The following TMEM163 variants were observed in gnomAD, a reference collection of about 807,000 sequenced individuals.
TMEM163 encodes the protein transmembrane protein 163.
Under a neutral mutation model 29.3 loss-of-function variants are expected in TMEM163, and 17 were observed. The ratio of observed to expected loss-of-function variants is 0.58; its 90% CI spans 0.40 to 0.87. The LOEUF is 0.87. Ranked by LOEUF, TMEM163 falls within the 40% of genes least tolerant of loss-of-function variation. The pLI is 0.00. For missense variants in TMEM163, 303 were observed against 381.5 expected (o/e 0.79, Z 1.71); for synonymous variants, 157 against 160.6 (o/e 0.98, Z 0.17).
chr2:134,623,509 T>A (rs1447769801), intron 2 of TMEM163, among the ~76,000 whole-genome samples: 1 of 152,214 alleles, frequency 6.6e-6, no homozygotes, highest in Non-Finnish European at 1.5e-5. Flanking sequence ...GGCTCACGCC[T>A]GTAATCCCAG....
intron 2 of TMEM163, among the ~76,000 whole-genome samples, chr2:134,617,972 G>T (rs1232382041): frequency 6.6e-6 from 1 of 152,040 alleles, no homozygotes; most frequent in East Asian, 1.9e-4. Context: ...TCATTAGCCA[G>T]GCATAGTGGC....
chr2:134,667,545 G>A (rs1205565850), intron 2 of TMEM163, among the ~76,000 whole-genome samples: 3 of 152,212 alleles, frequency 2.0e-5, no homozygotes, highest in African/African-American at 7.2e-5. Context: ...GATGCCATGT[G>A]TCATTACAGC....
At chr2:134,517,062 G>A (rs72853987) in intron 4 of TMEM163, among the ~76,000 whole-genome samples, 18,565 of 91,692 alleles carry the variant, frequency 0.2, 1,259 homozygotes, top group South Asian at 0.3. Context: ...ACCCACCCCC[G>A]CCAAAAAAAT....
chr2:134,656,268 C>T (rs377121413), intron 2 of TMEM163, among the ~76,000 whole-genome samples: 4 of 150,826 alleles, frequency 2.7e-5, no homozygotes, highest in African/African-American at 7.4e-5. Flanking sequence ...CTTTTTAAGC[C>T]GGTCTGAAAA....
At chr2:134,513,376 A>G (rs1679990926) in intron 4 of TMEM163, among the ~76,000 whole-genome samples, 1 of 152,194 alleles carries the variant, frequency 6.6e-6, no homozygotes, top group African/African-American at 2.4e-5. Context: ...CAGCACATGG[A>G]TTACACCAAA....
chr2:134,600,860 C>T (rs1682212927), intron 2 of TMEM163, among the ~76,000 whole-genome samples: 1 of 152,170 alleles, frequency 6.6e-6, no homozygotes, highest in Admixed American at 6.5e-5. Flanking sequence ...TGGGCCCCAG[C>T]TCCCTCACCC....
chr2:134,596,399 G>A (rs2104806351), intron 2 of TMEM163, among the ~76,000 whole-genome samples: 1 of 152,170 alleles, frequency 6.6e-6, no homozygotes, highest in South Asian at 2.1e-4. Flanking sequence ...TTTTTGTCAG[G>A]TTTGTCAAAG....
chr2:134,572,249 T>C (rs1167099725), intron 2 of TMEM163, among the ~76,000 whole-genome samples: 5 of 152,228 alleles, frequency 3.3e-5, no homozygotes, highest in African/African-American at 9.6e-5. Context: ...ACCCCCAACA[T>C]CTTCCAAAGA....
intron 4 of TMEM163, among the ~76,000 whole-genome samples, chr2:134,546,545 G>A (rs1013215317): frequency 6.6e-6 from 1 of 151,998 alleles, no homozygotes; most frequent in Non-Finnish European, 1.5e-5. Context: ...TCAGGAGGCT[G>A]AGGCAGGAGA....
chr2:134,568,195 G>A (rs539842213), intron 2 of TMEM163, among the ~76,000 whole-genome samples: 1 of 152,242 alleles, frequency 6.6e-6, no homozygotes, highest in South Asian at 2.1e-4. Flanking sequence ...CATTAACTTT[G>A]AGTGTAAGTA....
At chr2:134,516,269 C>T (rs1282784197) in intron 4 of TMEM163, among the ~76,000 whole-genome samples, 1 of 152,008 alleles carries the variant, frequency 6.6e-6, no homozygotes, top group Admixed American at 6.5e-5. Context: ...GGGCCATGTG[C>T]GGAGGTTCAA....
chr2:134,490,480 C>T (rs1679405645), intron 5 of TMEM163, among the ~76,000 whole-genome samples: 1 of 152,186 alleles, frequency 6.6e-6, no homozygotes, highest in Admixed American at 6.5e-5. Context: ...CTGACTCTCC[C>T]TGGAAAGTTC....
At chr2:134,626,890 A>G (rs1380164387) in intron 2 of TMEM163, among the ~76,000 whole-genome samples, 1 of 152,194 alleles carries the variant, frequency 6.6e-6, no homozygotes, top group Non-Finnish European at 1.5e-5. Flanking sequence ...TCCTACAGCT[A>G]TTTTCAGATC....
At chr2:134,659,990 A>G (rs1683712003) in intron 2 of TMEM163, among the ~76,000 whole-genome samples, 1 of 152,202 alleles carries the variant, frequency 6.6e-6, no homozygotes. Context: ...TACAATGTTT[A>G]TTTAGTTCAT....
chr2:134,549,920 C>T (rs775973507), intron 4 of TMEM163, among the ~76,000 whole-genome samples: 45 of 151,996 alleles, frequency 3.0e-4, no homozygotes, highest in South Asian at 6.2e-4. Context: ...TTGTCTTTTT[C>T]TTGCTTTTCC....
At chr2:134,670,339 A>T (rs570263699) in intron 2 of TMEM163, among the ~76,000 whole-genome samples, 25 of 152,318 alleles carry the variant, frequency 1.6e-4, no homozygotes, top group African/African-American at 5.5e-4. Flanking sequence ...ACCTCGCAGC[A>T]TCTCACACAG....
intron 2 of TMEM163, among the ~76,000 whole-genome samples, chr2:134,634,011 A>G (rs1233725827): frequency 3.2e-5 from 1 of 31,512 alleles, no homozygotes; most frequent in East Asian, 4.6e-4. Context: ...ATATATATAT[A>G]TATATATATA....
chr2:134,617,253 A>C (rs1682626788), intron 2 of TMEM163, among the ~76,000 whole-genome samples: 1 of 152,196 alleles, frequency 6.6e-6, no homozygotes, highest in African/African-American at 2.4e-5. Context: ...ATTATGATAC[A>C]CTAAAATGCA....
intron 4 of TMEM163, 69 bp downstream of exon 4, chr2:134,550,501 G>A: frequency 2.8e-6 from 4 of 1,448,554 alleles, no homozygotes; most frequent in South Asian, 1.2e-5. Flanking sequence ...AAGCTGTGTT[G>A]AGGGCCTCAT....
Sources: allele counts gnomAD v4.1 joint callset (sites outside exome capture counted in the v4.1 genomes callset), GRCh38; gene constraint gnomAD v4.1.1; transcripts MANE v1.5; gene names NCBI Gene and HGNC (gene_info 2026-07-23, HGNC 2026-07-21).